Variants in UBE2D1 observed in about 807,000 individuals in gnomAD.
UBE2D1 encodes ubiquitin conjugating enzyme E2 D1.
Under a neutral mutation model 24.6 loss-of-function variants are expected in UBE2D1, and 9 were observed. That is an observed-to-expected ratio of 0.37 (90% CI 0.22 to 0.64). The LOEUF is 0.64. Ranked by LOEUF, UBE2D1 falls within the 30% of genes least tolerant of loss-of-function variation. The probability of loss-of-function intolerance (pLI) is 0.64; values close to 1 mark genes in which losing one functional copy is unlikely to be tolerated. For missense variants in UBE2D1, 87 were observed against 177.1 expected, an observed-to-expected ratio of 0.49 and a Z score of 2.89; for synonymous variants, 57 against 57.6, an observed-to-expected ratio of 0.99 and a Z score of 0.04.
chr10:58,359,707 G>T (rs1043906978), intron 1 of UBE2D1, among the ~76,000 whole-genome samples: 2 of 152,320 alleles, frequency 1.3e-5, no homozygotes, highest in African/African-American at 4.8e-5. Context: ...ATGCAGTGAA[G>T]TATGTCACCT....
At chr10:58,343,548 T>C (rs944086621) in intron 1 of UBE2D1, among the ~76,000 whole-genome samples, 2 of 152,104 alleles carry the variant, frequency 1.3e-5, no homozygotes, top group South Asian at 2.1e-4. Context: ...TGTATACATA[T>C]ATAGGGAGAG....
chr10:58,368,114 G>A, intron 6 of UBE2D1, 98 bp downstream of exon 6: 1 of 844,182 alleles, frequency 1.2e-6, no homozygotes, highest in South Asian at 1.7e-5. Flanking sequence ...ATTTGATTAT[G>A]GTTGTTATAT....
At chr10:58,342,591 T>G (rs1839972961) in intron 1 of UBE2D1, among the ~76,000 whole-genome samples, 1 of 152,146 alleles carries the variant, frequency 6.6e-6, no homozygotes, top group South Asian at 2.1e-4. Flanking sequence ...TGTTTTTGCT[T>G]CTCCCAAATT....
chr10:58,335,790 G>A (rs919995356), intron 1 of UBE2D1, among the ~76,000 whole-genome samples: 7 of 152,332 alleles, frequency 4.6e-5, no homozygotes, highest in Middle Eastern at 3.4e-3. Flanking sequence ...AAGAAGTCAG[G>A]AGAAGGCTCC....
intron 1 of UBE2D1, among the ~76,000 whole-genome samples, chr10:58,347,890 C>T (rs1001471077): frequency 1.3e-5 from 2 of 152,164 alleles, no homozygotes. Flanking sequence ...CTCAGGTGAT[C>T]TCCCCGCCTT....
chr10:58,355,401 A>G (rs1441975689), intron 1 of UBE2D1, among the ~76,000 whole-genome samples: 1 of 152,226 alleles, frequency 6.6e-6, no homozygotes, highest in East Asian at 1.9e-4. Flanking sequence ...TATTGCAAGT[A>G]ATGCCTAGAG....
intron 1 of UBE2D1, among the ~76,000 whole-genome samples, chr10:58,336,893 C>T (rs1284098316): frequency 1.3e-5 from 2 of 152,124 alleles, no homozygotes; most frequent in Admixed American, 1.3e-4. Flanking sequence ...ATCTTGAACT[C>T]CTGGCCTCCA....
chr10:58,339,385 C>T (rs1398780810), intron 1 of UBE2D1, among the ~76,000 whole-genome samples: 7 of 152,186 alleles, frequency 4.6e-5, no homozygotes, highest in Admixed American at 6.5e-5. Flanking sequence ...GGATTACAGG[C>T]GTGAACCACC....
intron 1 of UBE2D1, among the ~76,000 whole-genome samples, chr10:58,349,821 G>A (rs917813339): frequency 5.3e-5 from 8 of 152,010 alleles, no homozygotes; most frequent in African/African-American, 1.2e-4. Context: ...TACCTCTGTC[G>A]TCAAGGTAAA....
chr10:58,336,431 G>A (rs958495111), intron 1 of UBE2D1, among the ~76,000 whole-genome samples: 4 of 152,158 alleles, frequency 2.6e-5, no homozygotes, highest in East Asian at 1.9e-4. Flanking sequence ...ATTCTGACTC[G>A]CCACTGGTGA....
chr10:58,335,235 GGGGCCGGGCCT>G lies in UBE2D1; in HGVS notation c.24+14_24+24del. 6.5e-7 allele frequency: 1 copy of G among 1,537,056 alleles called. No homozygotes were observed. ...GAAGAGGATTCAGAAAGTGAGTGCC[GGGGCCGGGCCT>G]GGGGCTGCGGGGCAGCGGCCCCCTG... is the stretch of plus-strand genomic sequence containing the variant. On this transcript the variant is annotated intron_variant, in intron 1 of 6. Transcript: ENST00000373910.
chr10:58,366,386 C>G lies in UBE2D1; in HGVS notation c.304+1510C>G, dbSNP rs190288849. Among the ~76,000 whole-genome samples, 6 of 152,260 alleles carry G rather than the reference C, an allele frequency of 3.9e-5. No homozygotes were observed. In the East Asian group the frequency reaches 1.2e-3, roughly 29 times the overall value. On this transcript the variant is annotated intron_variant, in intron 5 of 6. Transcript: ENST00000373910. ...GTACCTAGCACATAGTGGGCACTTA[C>G]ATGAATGTTAACTGTTACCCTTTTC...
chr10:58,342,089 T>C (rs1307772270), intron 1 of UBE2D1, among the ~76,000 whole-genome samples: 1 of 152,182 alleles, frequency 6.6e-6, no homozygotes, highest in Non-Finnish European at 1.5e-5. Context: ...AATTTGGTTC[T>C]GAGATGAATC....
intron 1 of UBE2D1, among the ~76,000 whole-genome samples, chr10:58,336,082 T>G (rs1371033195): frequency 1.3e-5 from 2 of 152,218 alleles, no homozygotes; most frequent in Non-Finnish European, 2.9e-5. Context: ...CAACCCTGTG[T>G]ATGGAATCGT....
chr10:58,350,893 C>G (rs1840068617), intron 1 of UBE2D1, among the ~76,000 whole-genome samples: 3 of 152,150 alleles, frequency 2.0e-5, no homozygotes, highest in African/African-American at 7.2e-5. Context: ...ATAGTGTAGT[C>G]TGTTGCTCCT....
chr10:58,363,478 G>A (rs1055041946), intron 3 of UBE2D1, 131 bp from the exon 4 acceptor site: 1 of 581,510 alleles, frequency 1.7e-6, no homozygotes, highest in African/African-American at 2.0e-5. Flanking sequence ...TTTTCATATT[G>A]GTAATATTTA....
intron 1 of UBE2D1, among the ~76,000 whole-genome samples, chr10:58,340,536 T>G (rs1233417554): frequency 6.6e-6 from 1 of 152,236 alleles, no homozygotes; most frequent in African/African-American, 2.4e-5. Context: ...GCTTTTAAGC[T>G]TGGCTGTAAT....
At chr10:58,367,201 G>A (rs1840265145) in intron 5 of UBE2D1, among the ~76,000 whole-genome samples, 1 of 152,080 alleles carries the variant, frequency 6.6e-6, no homozygotes, top group Non-Finnish European at 1.5e-5. Context: ...GGTTGGTCCA[G>A]AGGTTCCATG....
At chr10:58,335,431 G>A (rs1370435275) in intron 1 of UBE2D1, among the ~76,000 whole-genome samples, 1 of 152,242 alleles carries the variant, frequency 6.6e-6, no homozygotes, top group Non-Finnish European at 1.5e-5. Flanking sequence ...GGCCGGAGGA[G>A]CTTGAAGGCT....
Sources: gnomAD v4.1 joint callset for allele counts (sites outside exome capture counted in the v4.1 genomes callset) on GRCh38, gnomAD v4.1.1 for gene constraint, MANE v1.5 for transcripts, NCBI Gene and HGNC (gene_info 2026-07-23, HGNC 2026-07-21) for gene names.